The following CSMD1 variants were observed in gnomAD, a reference collection of about 807,000 sequenced individuals.
CSMD1 encodes the protein CUB and Sushi multiple domains 1, also known as CUB and sushi domain-containing protein 1.
Under a neutral mutation model 417.5 loss-of-function variants are expected in CSMD1, and 213 were observed. That is an observed-to-expected ratio of 0.51 (90% CI 0.46 to 0.57). The LOEUF (loss-of-function observed/expected upper bound fraction) is 0.57, where lower values mean the gene tolerates loss of function less well. Among genes scored for constraint, CSMD1 ranks in the 20% least tolerant of loss-of-function variants. CSMD1 has a pLI of 0.00. For missense variants in CSMD1, 6,923 were observed against 4,529.7 expected (o/e 1.53, Z -15.17); for synonymous variants, 2,862 against 1,736.8 (o/e 1.65, Z -16.11).
At position 3,187,309 on chromosome 8, in the gene CSMD1, G is replaced by T. The variant is rs1796119940; in HGVS notation, c.5620+560C>A. Among the ~76,000 whole-genome samples the T allele has an allele frequency of 2.0e-5, 3 of 152,164 alleles. No individual in the cohort carries two copies. The South Asian group carries it at 6.2e-4, about 31-fold the overall frequency. On this transcript the variant is annotated intron_variant, in intron 36 of 69. Coordinates refer to ENST00000635120, the MANE Select transcript of CSMD1 (RefSeq NM_033225.6). ...GCAAAATTGAGATTGAATGACGCTC[G>T]AGGGCAATGGGAAGGGAAGACTTGC...
chr8:4,089,383 C>G (rs892836669), intron 3 of CSMD1, among the ~76,000 whole-genome samples: 7 of 152,114 alleles, frequency 4.6e-5, no homozygotes, highest in Middle Eastern at 3.2e-3. Flanking sequence ...TTCAGAGGTT[C>G]TCTGAGAAGA....
chr8:3,465,504 AG>A (rs1421383663), intron 12 of CSMD1, among the ~76,000 whole-genome samples: 18 of 152,228 alleles, frequency 1.2e-4, no homozygotes, highest in African/African-American at 4.3e-4. Context: ...GTGTGCTGGC[AG>A]GGGGTAGTGG....
intron 15 of CSMD1, among the ~76,000 whole-genome samples, chr8:3,400,908 CTT>C (rs1812000450): frequency 6.6e-6 from 1 of 150,928 alleles, no homozygotes; most frequent in African/African-American, 2.4e-5. Context: ...TTTTTATTAA[CTT>C]GAGCTCCTGA....
intron 12 of CSMD1, among the ~76,000 whole-genome samples, chr8:3,429,004 G>C (rs145022316): frequency 6.6e-6 from 1 of 152,162 alleles, no homozygotes; most frequent in Non-Finnish European, 1.5e-5. Context: ...CATTGGAGCA[G>C]AGGATGGAAT....
intron 3 of CSMD1, among the ~76,000 whole-genome samples, chr8:4,196,140 A>T (rs1714769): frequency 1.3e-5 from 2 of 152,126 alleles, no homozygotes; most frequent in East Asian, 1.9e-4. Context: ...GAACCCGGGA[A>T]GTGGAGCTTG....
chr8:3,456,014 G>T (rs978248187), intron 12 of CSMD1, among the ~76,000 whole-genome samples: 10 of 152,116 alleles, frequency 6.6e-5, no homozygotes, highest in Non-Finnish European at 1.3e-4. Flanking sequence ...GCAATGGTGG[G>T]TGCCCCTCCC....
intron 5 of CSMD1, among the ~76,000 whole-genome samples, chr8:3,781,496 CCT>C (rs1674812889): frequency 7.6e-6 from 1 of 131,544 alleles, no homozygotes; most frequent in African/African-American, 3.5e-5. Context: ...ACGTGGTGCC[CCT>C]GAGTTAGGTG....
chr8:4,987,156 G>A (rs1300841501), intron 1 of CSMD1, among the ~76,000 whole-genome samples: 2 of 152,146 alleles, frequency 1.3e-5, no homozygotes, highest in Non-Finnish European at 2.9e-5. Context: ...CCTGGGATGG[G>A]CGTGGGTAGA....
intron 2 of CSMD1, among the ~76,000 whole-genome samples, chr8:4,606,841 T>C (rs1007926549): frequency 3.3e-5 from 5 of 152,318 alleles, no homozygotes; most frequent in East Asian, 1.9e-4. Context: ...AGAAATAATA[T>C]GACATTTTAA....
intron 10 of CSMD1, among the ~76,000 whole-genome samples, chr8:3,540,014 G>T (rs73505716): frequency 6.6e-6 from 1 of 152,082 alleles, no homozygotes; most frequent in South Asian, 2.1e-4. Context: ...CAGTAAAACA[G>T]GGCTGCTTCT....
intron 1 of CSMD1, among the ~76,000 whole-genome samples, chr8:4,748,515 T>G (rs1326747642): frequency 6.6e-6 from 1 of 152,226 alleles, no homozygotes; most frequent in Non-Finnish European, 1.5e-5. Context: ...GTTAGTTTCT[T>G]TGTAACTGTT....
chr8:4,291,550 G>C (rs1797366742), intron 3 of CSMD1, among the ~76,000 whole-genome samples: 3 of 152,124 alleles, frequency 2.0e-5, no homozygotes, highest in Admixed American at 6.6e-5. Context: ...TAAAAAAATT[G>C]CTTAGTGTAG....
chr8:4,619,020 A>G lies in CSMD1; in HGVS notation c.302+18322T>C, dbSNP rs1375688520. Among the ~76,000 whole-genome samples, 4 of 152,212 alleles carry G rather than the reference A, an allele frequency of 2.6e-5. No individual in the cohort carries two copies. The East Asian group carries it at 7.7e-4, about 29-fold the overall frequency. On this transcript the variant is annotated intron_variant, in intron 2 of 69. Coordinates refer to ENST00000635120, the MANE Select transcript of CSMD1 (RefSeq NM_033225.6). ...ATTAAAATACTGCAATTCTATTTCA[A>G]AAATAATTTACCTATTTACTTCTCT...
At chr8:4,841,524 G>C (rs1016726835) in intron 1 of CSMD1, among the ~76,000 whole-genome samples, 1 of 152,156 alleles carries the variant, frequency 6.6e-6, no homozygotes, top group Non-Finnish European at 1.5e-5. Context: ...AAAATAAAAA[G>C]TAATGTGTCA....
chr8:4,304,454 TGG>T (rs1798140240), intron 3 of CSMD1, among the ~76,000 whole-genome samples: 1 of 152,196 alleles, frequency 6.6e-6, no homozygotes, highest in Non-Finnish European at 1.5e-5. Context: ...AGTGACTTGC[TGG>T]AAGTCACCCA....
At chr8:4,037,286 G>A (rs968679095) in intron 3 of CSMD1, among the ~76,000 whole-genome samples, 1 of 152,082 alleles carries the variant, frequency 6.6e-6, no homozygotes, top group East Asian at 1.9e-4. Context: ...TGGGAAAATT[G>A]GTCTTGTCTT....
chr8:3,126,828 T>A (rs1170750159), intron 41 of CSMD1, among the ~76,000 whole-genome samples: 1 of 152,144 alleles, frequency 6.6e-6, no homozygotes, highest in East Asian at 1.9e-4. Context: ...GGCTTATACA[T>A]CAATGCTTCG....
At chr8:3,508,952 G>T (rs371158649) in intron 10 of CSMD1, among the ~76,000 whole-genome samples, 1 of 152,156 alleles carries the variant, frequency 6.6e-6, no homozygotes, top group African/African-American at 2.4e-5. Context: ...AAGTCCTCAT[G>T]CTTAGTATTT....
intron 7 of CSMD1, among the ~76,000 whole-genome samples, chr8:3,624,346 A>G (rs1156282767): frequency 2.0e-5 from 3 of 152,200 alleles, no homozygotes; most frequent in African/African-American, 7.2e-5. Context: ...AGAGCCACAG[A>G]TTGGCTTGAA....
Sources: gnomAD v4.1 joint callset for allele counts (sites outside exome capture counted in the v4.1 genomes callset) on GRCh38, gnomAD v4.1.1 for gene constraint, MANE v1.5 for transcripts, NCBI Gene and HGNC (gene_info 2026-07-23, HGNC 2026-07-21) for gene names.